Variants in PSD3 observed in about 807,000 individuals in gnomAD.
PSD3 encodes the protein PH and SEC7 domain-containing protein 3.
Under a neutral mutation model 105.5 loss-of-function variants are expected in PSD3, and 49 were observed. That is an observed-to-expected ratio of 0.46 (90% CI 0.37 to 0.59). The LOEUF (loss-of-function observed/expected upper bound fraction) is 0.59. PSD3 is among the 20% of genes least tolerant of loss of function. The pLI is 0.00. For missense variants in PSD3, 1,561 were observed against 1,263.8 expected (o/e 1.24, Z -3.57); for synonymous variants, 557 against 457.8 (o/e 1.22, Z -2.77).
At chr8:18,904,614 T>C (rs1165413983) in intron 2 of PSD3, among the ~76,000 whole-genome samples, 1 of 152,254 alleles carries the variant, frequency 6.6e-6, no homozygotes, top group African/African-American at 2.4e-5. Flanking sequence ...CATTGTATCT[T>C]GGAAGTAAAT....
chr8:18,874,050 A>G (rs1029868916), intron 2 of PSD3, among the ~76,000 whole-genome samples: 2 of 152,182 alleles, frequency 1.3e-5, no homozygotes, highest in African/African-American at 4.8e-5. Flanking sequence ...TTCTGAACTT[A>G]GTTTTGGTTA....
intron 2 of PSD3, among the ~76,000 whole-genome samples, chr8:18,927,190 C>G (rs370532707): frequency 7.9e-5 from 12 of 152,228 alleles, no homozygotes; most frequent in African/African-American, 2.9e-4. Context: ...CCCAAAACCT[C>G]TCAAACGCTG....
chr8:18,626,717 A>G (rs904500974), intron 11 of PSD3, among the ~76,000 whole-genome samples: 7 of 152,170 alleles, frequency 4.6e-5, no homozygotes, highest in African/African-American at 1.4e-4. Context: ...CAATTAAGGC[A>G]TTCTGGTAGA....
chr8:18,635,503 A>G (rs1370139852), intron 10 of PSD3, among the ~76,000 whole-genome samples: 1 of 152,138 alleles, frequency 6.6e-6, no homozygotes, highest in African/African-American at 2.4e-5. Flanking sequence ...TATGCTTTTC[A>G]GTGTTAGAGT....
intron 12 of PSD3, among the ~76,000 whole-genome samples, chr8:18,582,192 T>A (rs541553294): frequency 3.0e-4 from 46 of 152,270 alleles, no homozygotes; most frequent in African/African-American, 1.1e-3. Flanking sequence ...CTGGGTGAGC[T>A]TCTCGAGAGT....
intron 12 of PSD3, among the ~76,000 whole-genome samples, chr8:18,597,049 T>A (rs926770846): frequency 1.3e-5 from 2 of 152,126 alleles, no homozygotes; most frequent in Non-Finnish European, 2.9e-5. Context: ...ATTATGAGCA[T>A]AAATGCAAAA....
At chr8:18,750,893 G>C (rs1805427678) in intron 9 of PSD3, among the ~76,000 whole-genome samples, 2 of 152,148 alleles carry the variant, frequency 1.3e-5, no homozygotes, top group Non-Finnish European at 1.5e-5. Flanking sequence ...GCTAGATACA[G>C]AGTGCCGACT....
chr8:18,613,505 G>C (rs757958918), intron 11 of PSD3, among the ~76,000 whole-genome samples: 13 of 151,970 alleles, frequency 8.6e-5, no homozygotes, highest in African/African-American at 2.2e-4. Flanking sequence ...ACGTGTCTGC[G>C]AGCCTAATCT....
chr8:18,999,382 G>A (rs1586605470), intron 1 of PSD3, among the ~76,000 whole-genome samples: 1 of 151,722 alleles, frequency 6.6e-6, no homozygotes, highest in South Asian at 2.1e-4. Flanking sequence ...TCAGTACCTG[G>A]CGCTCAGGCT....
At position 18,796,627 on chromosome 8, in the gene PSD3, G is replaced by C. The variant is rs1406508068; in HGVS notation, c.2082+2668C>G. ...CCTCATTCCTCAGAGTAAAGGAAAG[G>C]TTCACCAAGAGCAGCCAAAACAAGT... On this transcript the variant is annotated intron_variant, in intron 8 of 15. Coordinates refer to ENST00000327040, the MANE Select transcript of PSD3 (RefSeq NM_015310.4). Among the ~76,000 whole-genome samples, 9 of 152,246 alleles carry C rather than the reference G, an allele frequency of 5.9e-5. No homozygotes were observed. In the East Asian group the frequency reaches 1.7e-3, roughly 29 times the overall value.
At chr8:18,996,605 C>A (rs1425191782) in intron 1 of PSD3, among the ~76,000 whole-genome samples, 1 of 151,846 alleles carries the variant, frequency 6.6e-6, no homozygotes, top group Non-Finnish European at 1.5e-5. Context: ...CTACATGAAG[C>A]ATCATATTTT....
rs1563289954 is a variant in PSD3, at chr8:18,530,284, A to C, written c.*5459T>G. 6.6e-6 allele frequency: 1 copy of C among 152,610 alleles called. No individual in the cohort carries two copies. The allele number at this position is 152,610 out of a possible 1,614,324, so 9.5% of individuals were successfully genotyped here. Reference sequence around the variant, plus strand: ...CTCTTCTTTGGGGAGAGGCAGGAAAAAGAGACCTAAGTATAAAAATATTTA... The same window carrying C: ...CTCTTCTTTGGGGAGAGGCAGGAAACAGAGACCTAAGTATAAAAATATTTA... On this transcript the variant is annotated 3_prime_UTR_variant, in exon 16 of 16. Transcript: ENST00000327040.
At chr8:18,792,451 C>T (rs985312615) in intron 8 of PSD3, among the ~76,000 whole-genome samples, 1 of 152,152 alleles carries the variant, frequency 6.6e-6, no homozygotes, top group African/African-American at 2.4e-5. Context: ...CCTTAGTAAA[C>T]TAAGGCAGGA....
intron 8 of PSD3, among the ~76,000 whole-genome samples, chr8:18,776,202 G>C (rs1314502229): frequency 6.7e-6 from 1 of 150,098 alleles, no homozygotes; most frequent in African/African-American, 2.4e-5. Flanking sequence ...ACTGACCAAT[G>C]TGTCTATTTC....
chr8:18,968,843 T>C (rs1183472369), intron 1 of PSD3, among the ~76,000 whole-genome samples: 1 of 123,904 alleles, frequency 8.1e-6, no homozygotes, highest in Non-Finnish European at 1.6e-5. Context: ...GCCACTGCAC[T>C]GCAGCCTGCG....
rs1466300229 is a variant in PSD3 at position 18,836,148 on chromosome 8, C to G, written c.1635-31250G>C. ...TAGCGAAATCACCTGAGTGAGATGC[C>G]AAAAAGGTGCTGGAGACTCCCGCAT... On this transcript the variant is annotated intron_variant, in intron 4 of 15. Transcript: ENST00000327040. Among the ~76,000 whole-genome samples, 3 of 152,084 alleles carry G rather than the reference C, an allele frequency of 2.0e-5. No individual in the cohort carries two copies. The East Asian group carries it at 5.8e-4, about 29-fold the overall frequency.
intron 1 of PSD3, among the ~76,000 whole-genome samples, chr8:19,053,300 C>A (rs1412130338): frequency 6.6e-6 from 1 of 151,942 alleles, no homozygotes. Context: ...ACAGAATCAT[C>A]CCTCCGCACT....
chr8:18,660,443 C>T (rs1467729012), intron 9 of PSD3, among the ~76,000 whole-genome samples: 8 of 152,056 alleles, frequency 5.3e-5, no homozygotes, highest in African/African-American at 2.4e-5. Flanking sequence ...TTCAGCAGCC[C>T]GAGGAAACTA....
intron 14 of PSD3, among the ~76,000 whole-genome samples, chr8:18,572,300 C>G (rs1257819442): frequency 6.6e-6 from 1 of 152,104 alleles, no homozygotes; most frequent in Non-Finnish European, 1.5e-5. Flanking sequence ...ACCTTAGAAA[C>G]TGAATCAAAG....
Sources: allele counts gnomAD v4.1 joint callset (sites outside exome capture counted in the v4.1 genomes callset), GRCh38; gene constraint gnomAD v4.1.1; transcripts MANE v1.5; gene names NCBI Gene and HGNC (gene_info 2026-07-23, HGNC 2026-07-21).